LSAMP: variants seen among roughly 807,000 people sequenced by gnomAD.
LSAMP encodes the protein limbic system-associated membrane protein.
LSAMP carries 7 observed loss-of-function variants against 38.6 expected under a neutral mutation model. The ratio of observed to expected loss-of-function variants is 0.18; its 90% CI spans 0.10 to 0.34. The LOEUF (loss-of-function observed/expected upper bound fraction) is 0.34, where lower values mean the gene tolerates loss of function less well. Ranked by LOEUF, LSAMP falls within the 10% of genes least tolerant of loss-of-function variation. The pLI is 1.00. For missense variants in LSAMP, 313 were observed against 420.0 expected (o/e 0.75, Z 2.23); for synonymous variants, 154 against 166.8 (o/e 0.92, Z 0.59).
intron 1 of LSAMP, among the ~76,000 whole-genome samples, chr3:116,443,132 A>T (rs965479507): frequency 5.3e-5 from 8 of 152,226 alleles, no homozygotes; most frequent in Admixed American, 4.6e-4. Context: ...GATAGCATAT[A>T]TTTATATAGA....
At chr3:115,985,901 G>C (rs1052840632) in intron 3 of LSAMP, among the ~76,000 whole-genome samples, 4 of 152,172 alleles carry the variant, frequency 2.6e-5, no homozygotes, top group African/African-American at 9.6e-5. Flanking sequence ...ACTGCTCCTG[G>C]CTTTCCAGCC....
intron 3 of LSAMP, among the ~76,000 whole-genome samples, chr3:115,970,092 C>A (rs1576269484): frequency 6.6e-6 from 1 of 151,902 alleles, no homozygotes; most frequent in Non-Finnish European, 1.5e-5. Flanking sequence ...GGCGAAAGGA[C>A]AGAAACAGAG....
At chr3:115,871,991 G>A (rs1287629436) in intron 3 of LSAMP, among the ~76,000 whole-genome samples, 1 of 152,014 alleles carries the variant, frequency 6.6e-6, no homozygotes, top group Admixed American at 6.6e-5. Flanking sequence ...TAGTTAAGAG[G>A]GTGCTGATTC....
chr3:116,298,731 T>C (rs1429877159), intron 1 of LSAMP, among the ~76,000 whole-genome samples: 1 of 152,180 alleles, frequency 6.6e-6, no homozygotes, highest in Non-Finnish European at 1.5e-5. Context: ...GAGACAGAAA[T>C]AATTTTCAAG....
rs749911876 is a variant in LSAMP at position 116,390,130 on chromosome 3, T to TACACACACAC, written c.155+54746_155+54747insGTGTGTGTGT. The stretch of plus-strand genomic sequence containing the variant: ...TACTTAAATTATATATGTATGTATG[T>TACACACACAC]ATACACACACACACACACACACACA... On this transcript the variant is annotated intron_variant, in intron 1 of 6. Transcript: ENST00000490035. 2.9e-3 allele frequency among the ~76,000 whole-genome samples: 378 copies of TACACACACAC among 131,604 alleles called. 1 individual carries two copies. Among genetic ancestry groups the TACACACACAC allele is most frequent in the East Asian group, 8.0e-3 (40 of 4,984 alleles). The allele number at this position is 131,604 out of a possible 152,430, so 86.3% of individuals were successfully genotyped here.
chr3:115,814,595 T>C (rs1933952087), intron 6 of LSAMP, among the ~76,000 whole-genome samples: 1 of 152,200 alleles, frequency 6.6e-6, no homozygotes, highest in African/African-American at 2.4e-5. Context: ...AGCCCATTTC[T>C]TGGATTTAGG....
chr3:116,083,847 CA>C (rs1287110031), intron 2 of LSAMP, among the ~76,000 whole-genome samples: 1 of 152,132 alleles, frequency 6.6e-6, no homozygotes, highest in African/African-American at 2.4e-5. Flanking sequence ...CTGAGGGGCA[CA>C]AGGCTGAATG....
chr3:116,303,802 A>T (rs1309705500), intron 1 of LSAMP, among the ~76,000 whole-genome samples: 1 of 152,202 alleles, frequency 6.6e-6, no homozygotes, highest in Admixed American at 6.6e-5. Context: ...TGCGCAGAAC[A>T]ATCATCTTTT....
chr3:115,929,738 G>A (rs1937550605), intron 3 of LSAMP, among the ~76,000 whole-genome samples: 1 of 151,950 alleles, frequency 6.6e-6, no homozygotes, highest in African/African-American at 2.4e-5. Flanking sequence ...GCATAAAAGA[G>A]CCCCTCCTGA....
chr3:115,824,818 A>T (rs1415582296), intron 6 of LSAMP, among the ~76,000 whole-genome samples: 1 of 152,056 alleles, frequency 6.6e-6, no homozygotes, highest in Non-Finnish European at 1.5e-5. Context: ...ATTTGTGTTT[A>T]AAAACATAAA....
intron 1 of LSAMP, among the ~76,000 whole-genome samples, chr3:116,147,741 G>A (rs1168333255): frequency 1.3e-5 from 2 of 151,806 alleles, no homozygotes; most frequent in Non-Finnish European, 2.9e-5. Flanking sequence ...GATTTTATCA[G>A]CAGGCAGTGG....
chr3:115,892,288 T>C (rs1936618376), intron 3 of LSAMP, among the ~76,000 whole-genome samples: 1 of 152,006 alleles, frequency 6.6e-6, no homozygotes, highest in Non-Finnish European at 1.5e-5. Context: ...GTTCATTAAA[T>C]GACATGTCCA....
chr3:116,133,441 C>A (rs755799762), intron 1 of LSAMP, among the ~76,000 whole-genome samples: 4 of 151,958 alleles, frequency 2.6e-5, no homozygotes, highest in Non-Finnish European at 4.4e-5. Flanking sequence ...AAGTGTGTGG[C>A]ACCATGCCTG....
intron 3 of LSAMP, among the ~76,000 whole-genome samples, chr3:115,854,238 G>T: frequency 1.4e-5 from 2 of 146,454 alleles, no homozygotes; most frequent in Admixed American, 6.9e-5. Flanking sequence ...TTAGTCTATA[G>T]CATATAGTTA....
chr3:116,005,556 A>G (rs1940132794), intron 3 of LSAMP, among the ~76,000 whole-genome samples: 1 of 152,168 alleles, frequency 6.6e-6, no homozygotes, highest in Admixed American at 6.5e-5. Flanking sequence ...GCAACATCAC[A>G]CACTAGCCTC....
chr3:116,053,374 G>A (rs1420495774), intron 2 of LSAMP, among the ~76,000 whole-genome samples: 1 of 152,148 alleles, frequency 6.6e-6, no homozygotes, highest in African/African-American at 2.4e-5. Flanking sequence ...TACAATCCAG[G>A]AAGTGAGACA....
At chr3:116,421,379 G>A (rs1432270037) in intron 1 of LSAMP, among the ~76,000 whole-genome samples, 2 of 152,050 alleles carry the variant, frequency 1.3e-5, no homozygotes, top group Admixed American at 6.6e-5. Context: ...AGACCAGCCT[G>A]GCCAACATGG....
At chr3:116,286,170 A>G (rs1337160821) in intron 1 of LSAMP, among the ~76,000 whole-genome samples, 2 of 152,334 alleles carry the variant, frequency 1.3e-5, no homozygotes, top group East Asian at 3.9e-4. Flanking sequence ...GAAGCTTTGC[A>G]ATGCATATGG....
At chr3:115,991,644 A>AT (rs1939671519) in intron 3 of LSAMP, among the ~76,000 whole-genome samples, 1 of 152,108 alleles carries the variant, frequency 6.6e-6, no homozygotes, top group African/African-American at 2.4e-5. Flanking sequence ...ACAAATGTTA[A>AT]CATCTCCAAA....
Sources: allele counts gnomAD v4.1 joint callset (sites outside exome capture counted in the v4.1 genomes callset), GRCh38; gene constraint gnomAD v4.1.1; transcripts MANE v1.5; gene names NCBI Gene and HGNC (gene_info 2026-07-23, HGNC 2026-07-21).